The following MINDY2 variants were observed in gnomAD, a reference collection of about 807,000 sequenced individuals.
MINDY2 encodes ubiquitin carboxyl-terminal hydrolase MINDY-2.
A neutral mutation model predicts 68.2 loss-of-function variants in MINDY2; 52 were observed. The observed-to-expected ratio is 0.76, with a 90% CI of 0.61 to 0.96. MINDY2 has a LOEUF of 0.96. Among genes scored for constraint, MINDY2 ranks in the 40% least tolerant of loss-of-function variants. The pLI is 0.00. For synonymous variants in MINDY2, 372 were observed against 303.0 expected (o/e 1.23, Z -2.36); for missense variants, 881 against 773.4 (o/e 1.14, Z -1.65).
rs2031344488 is a variant in MINDY2 at position 58,825,575 on chromosome 15, CTGTTTGTTTGTTTGTGTGG to C, written c.1225+3772_1225+3790del. Among the ~76,000 whole-genome samples the C allele has an allele frequency of 4.0e-5, 6 of 151,770 alleles. No homozygotes were observed. In the South Asian group the frequency reaches 1.2e-3, roughly 32 times the overall value. On this transcript the variant is annotated intron_variant, in intron 5 of 8. Transcript: ENST00000559228. Reference sequence around the variant, plus strand: ...GCTCTCAGGAATGGTTCTTTTTTGTCTGTTTGTTTGTTTGTGTGGTGTTTGTTTGTTTGTTTGTTTTGAG... The same window carrying C: ...GCTCTCAGGAATGGTTCTTTTTTGTCTGTTTGTTTGTTTGTTTGTTTTGAG...
intron 6 of MINDY2, among the ~76,000 whole-genome samples, chr15:58,836,802 T>TA (rs1270379936): frequency 3.5e-4 from 54 of 152,120 alleles, no homozygotes; most frequent in Non-Finnish European, 2.9e-5. Flanking sequence ...ATTTTTTTTT[T>TA]AGAGACAGGA....
chr15:58,797,921 T>C (rs1186360556), intron 2 of MINDY2, among the ~76,000 whole-genome samples: 5 of 152,176 alleles, frequency 3.3e-5, no homozygotes, highest in African/African-American at 1.2e-4. Context: ...ATCACAAAAT[T>C]GTAATGCCTC....
rs1157376592 is a variant in MINDY2 at position 58,782,911 on chromosome 15, G to GTTTTTTT, written c.841-4975_841-4969dup. On this transcript the variant is annotated intron_variant, in intron 1 of 8. Transcript: ENST00000559228. ...TCAATATATTTAATTTTTTCTCTCT[G>GTTTTTTT]TTTTTTTTTTTTTTTTTTTTTTTTT... Among the ~76,000 whole-genome samples, 210 of 64,494 alleles carry GTTTTTTT rather than the reference G, an allele frequency of 3.3e-3. 35 individuals are homozygous for GTTTTTTT. Among genetic ancestry groups the GTTTTTTT allele is most frequent in the East Asian group, 9.8e-3 (12 of 1,230 alleles). The allele number at this position is 64,494 out of a possible 152,430, so 42.3% of individuals were successfully genotyped here.
intron 4 of MINDY2, 47 bp downstream of exon 4, chr15:58,810,435 G>A (rs745493092): frequency 2.1e-6 from 3 of 1,449,032 alleles, no homozygotes; most frequent in Non-Finnish European, 2.8e-6. Flanking sequence ...CAGGAAAAAT[G>A]TATTAATTTG....
chr15:58,776,602 A>G (rs1324420810), intron 1 of MINDY2, among the ~76,000 whole-genome samples: 2 of 152,164 alleles, frequency 1.3e-5, no homozygotes, highest in African/African-American at 4.8e-5. Flanking sequence ...TGTAGGGACA[A>G]GGTCACTGAA....
At chr15:58,782,385 AATCTT>A (rs1233994060) in intron 1 of MINDY2, among the ~76,000 whole-genome samples, 2 of 152,202 alleles carry the variant, frequency 1.3e-5, no homozygotes, top group African/African-American at 2.4e-5. Context: ...GCAAAATAAA[AATCTT>A]ATCTTCTGTG....
chr15:58,774,561 T>C (rs1209760932), intron 1 of MINDY2, among the ~76,000 whole-genome samples: 1 of 148,966 alleles, frequency 6.7e-6, no homozygotes, highest in Non-Finnish European at 1.5e-5. Flanking sequence ...TAGCTGACTA[T>C]CTAGTGGGAT....
At position 58,847,461 on chromosome 15, in the gene MINDY2, G is replaced by C. The variant is rs926390040; in HGVS notation, c.1533G>C (p.Gln511His). Residue 511 changes from glutamine to histidine, a missense_variant, in exon 7 of 9, where the codon CAG becomes CAC. Physicochemically the swap from Gln to His is conservative, Grantham distance 24. Coordinates refer to ENST00000559228, the MANE Select transcript of MINDY2 (RefSeq NM_001040450.3). ...PETVYKGQQDQIDQDYLMALS... is the reference protein window; with the variant it reads ...PETVYKGQQDHIDQDYLMALS... ...CTGTATACAAAGGACAACAAGATCA[G>C]ATAGATCAGGTAAATTTGTATTGTC... 6.5e-7 allele frequency: 1 copy of C among 1,543,226 alleles called. No homozygotes were observed. The highest frequency in any genetic ancestry group is 1.4e-5 in the African/African-American group (1 of 74,042).
chr15:58,842,453 A>AT (rs1466670373), intron 6 of MINDY2, among the ~76,000 whole-genome samples: 4 of 152,080 alleles, frequency 2.6e-5, no homozygotes, highest in Non-Finnish European at 5.9e-5. Context: ...CATAGTGGAA[A>AT]TTTTTTTCAC....
chr15:58,777,852 G>A (rs983046366), intron 1 of MINDY2, among the ~76,000 whole-genome samples: 14 of 151,720 alleles, frequency 9.2e-5, no homozygotes, highest in African/African-American at 3.4e-4. Flanking sequence ...CAAACTCCTG[G>A]GCTCAAATTA....
intron 3 of MINDY2, among the ~76,000 whole-genome samples, chr15:58,807,316 A>T (rs1903085249): frequency 6.7e-6 from 1 of 150,178 alleles, no homozygotes; most frequent in African/African-American, 2.4e-5. Context: ...TCCATACTTA[A>T]TGTGTTAACG....
chr15:58,798,404 C>T (rs1040641820), intron 2 of MINDY2, among the ~76,000 whole-genome samples: 7 of 151,534 alleles, frequency 4.6e-5, no homozygotes, highest in South Asian at 2.1e-4. Flanking sequence ...GGACTACAGG[C>T]GTGAGCCACC....
At position 58,771,807 on chromosome 15, in the gene MINDY2, A is replaced by T. The variant is rs755092897; in HGVS notation, c.412A>T (p.Thr138Ser). The change falls in exon 1 of 9, where the codon ACC becomes TCC. Residue 138 changes from threonine (T) to serine (S), a missense_variant. Transcript: ENST00000559228. ...DAGARPDLAGTCQAELTAAGS... is the reference protein window; with the variant it reads ...DAGARPDLAGSCQAELTAAGS... ...GGGAGCCCGCCCGGATCTCGCCGGC[A>T]CCTGCCAAGCAGAACTGACCGCCGC... 3.7e-6 allele frequency: 6 copies of T among 1,610,050 alleles called. No individual in the cohort carries two copies. The Admixed American group carries it at 1.0e-4, about 27-fold the overall frequency.
intron 3 of MINDY2, among the ~76,000 whole-genome samples, chr15:58,808,846 C>T (rs2030009087): frequency 6.6e-6 from 1 of 152,206 alleles, no homozygotes; most frequent in Non-Finnish European, 1.5e-5. Context: ...CCTCGTGATC[C>T]ACCCGCCTCA....
intron 6 of MINDY2, among the ~76,000 whole-genome samples, chr15:58,843,852 A>T (rs1416317326): frequency 2.6e-5 from 4 of 151,572 alleles, no homozygotes; most frequent in African/African-American, 9.7e-5. Context: ...AAAAAAAAAA[A>T]AAATCCTGAC....
rs373550682 is a variant in MINDY2, at chr15:58,786,004, T to C, written c.841-1902T>C. ...TTAAAAATGTCACAGAGAATAAAAATAATTTAGAATGAAATGATGATCAAA... is the reference window on the plus strand; with the variant it reads ...TTAAAAATGTCACAGAGAATAAAAACAATTTAGAATGAAATGATGATCAAA... On this transcript the variant is annotated intron_variant, in intron 1 of 8. Coordinates refer to ENST00000559228, the MANE Select transcript of MINDY2 (RefSeq NM_001040450.3). Among the ~76,000 whole-genome samples the C allele has an allele frequency of 2.6e-5, 4 of 152,256 alleles. No homozygotes were observed. In the East Asian group the frequency reaches 7.7e-4, roughly 29 times the overall value.
chr15:58,838,091 G>T (rs1018326732), intron 6 of MINDY2, among the ~76,000 whole-genome samples: 8 of 150,796 alleles, frequency 5.3e-5, no homozygotes, highest in African/African-American at 2.0e-4. Flanking sequence ...TCATCCCACA[G>T]AATTCAAGAT....
intron 6 of MINDY2, among the ~76,000 whole-genome samples, chr15:58,835,613 A>G (rs1567069230): frequency 6.6e-6 from 1 of 152,172 alleles, no homozygotes; most frequent in African/African-American, 2.4e-5. Context: ...AGAATGTGCC[A>G]TTGCACTCCA....
intron 1 of MINDY2, among the ~76,000 whole-genome samples, chr15:58,778,702 G>A (rs769632397): frequency 2.0e-5 from 3 of 150,674 alleles, no homozygotes; most frequent in Non-Finnish European, 3.0e-5. Flanking sequence ...TCATGGCTCC[G>A]AATAGCCTCG....
Sources: allele counts gnomAD v4.1 joint callset (sites outside exome capture counted in the v4.1 genomes callset), GRCh38; gene constraint gnomAD v4.1.1; transcripts MANE v1.5; gene names NCBI Gene and HGNC (gene_info 2026-07-23, HGNC 2026-07-21).